The following NAV2 variants were observed in gnomAD, a reference collection of about 807,000 sequenced individuals.
The protein encoded by NAV2 is helicase, APC down-regulated 1.
A neutral mutation model predicts 223.2 loss-of-function variants in NAV2; 54 were observed. The ratio of observed to expected loss-of-function variants is 0.24; its 90% confidence interval spans 0.19 to 0.30. NAV2 has a LOEUF of 0.30. Ranked by LOEUF, NAV2 falls within the 10% of genes least tolerant of loss-of-function variation. The probability of loss-of-function intolerance (pLI) is 1.00; values close to 1 mark genes in which losing one functional copy is unlikely to be tolerated. For missense variants in NAV2, 2,806 were observed against 3,147.5 expected, an observed-to-expected ratio of 0.89 and a Z score of 2.60; for synonymous variants, 1,279 against 1,239.3, an observed-to-expected ratio of 1.03 and a Z score of -0.67.
intron 1 of NAV2, among the ~76,000 whole-genome samples, chr11:19,694,361 A>G (rs1323360708): frequency 6.6e-6 from 1 of 152,214 alleles, no homozygotes; most frequent in Non-Finnish European, 1.5e-5. Flanking sequence ...AGCTCTCTGC[A>G]TGCATAGGTG....
Position 20,092,342 on chromosome 11 carries a change from T to C in NAV2, c.5789T>C (p.Leu1930Ser). 6.2e-7 allele frequency: 1 copy of C among 1,613,686 alleles called. No individual in the cohort carries two copies. The highest frequency in any genetic ancestry group is 8.5e-7 in the Non-Finnish European group (1 of 1,179,636). Residue 1930 changes from leucine to serine, a missense_variant, in exon 28 of 38, where the codon TTG becomes TCG. By Grantham distance (145) the Leu-to-Ser change is moderately radical. This residue lies in a region of NAV2 where 824 missense variants were observed against 1,069.4 expected (regional missense o/e 0.77). Coordinates refer to ENST00000349880, the MANE Select transcript of NAV2 (RefSeq NM_145117.5). ...TCCATGGGCCTCTCCCAGCACAGCT[T>C]GAACCTCACTGAGTCAACCAGCCTG... ...RQSMGLSQHS[L>S]NLTESTSLDM...
At chr11:20,029,701 C>T (rs1052274852) in intron 11 of NAV2, among the ~76,000 whole-genome samples, 1 of 152,190 alleles carries the variant, frequency 6.6e-6, no homozygotes, top group Admixed American at 6.5e-5. Flanking sequence ...ATTCAAAGCC[C>T]TTGGCTAAGG....
intron 1 of NAV2, among the ~76,000 whole-genome samples, chr11:19,614,651 A>AAC (rs1798686121): frequency 6.6e-6 from 1 of 152,102 alleles, no homozygotes; most frequent in South Asian, 2.1e-4. Flanking sequence ...CTGTCTTTTC[A>AAC]ACACACACAT....
At chr11:19,393,600 T>G (rs1590112755) in intron 1 of NAV2, among the ~76,000 whole-genome samples, 2 of 152,236 alleles carry the variant, frequency 1.3e-5, no homozygotes, top group East Asian at 3.8e-4. Flanking sequence ...CTTGACAAAA[T>G]GTGTTTTAAT....
intron 22 of NAV2, among the ~76,000 whole-genome samples, chr11:20,075,813 C>G (rs2059707587): frequency 6.7e-6 from 1 of 150,142 alleles, no homozygotes; most frequent in Middle Eastern, 3.2e-3. Context: ...TGATTCCTCA[C>G]TGTGTGTGTC....
chr11:19,554,656 A>G (rs926093105), intron 1 of NAV2, among the ~76,000 whole-genome samples: 1 of 152,094 alleles, frequency 6.6e-6, no homozygotes, highest in Non-Finnish European at 1.5e-5. Context: ...GATGAATTAG[A>G]TGGTTGTTTA....
At chr11:19,930,315 TA>T (rs770834305) in intron 6 of NAV2, among the ~76,000 whole-genome samples, 5 of 151,892 alleles carry the variant, frequency 3.3e-5, no homozygotes, top group African/African-American at 1.2e-4. Context: ...TTGTTAGTGT[TA>T]AAAAAAATAG....
chr11:19,863,836 AC>A (rs1261810644), intron 3 of NAV2, among the ~76,000 whole-genome samples: 1 of 152,170 alleles, frequency 6.6e-6, no homozygotes, highest in East Asian at 1.9e-4. Context: ...TGTTTTATTC[AC>A]CACTATATAC....
At position 19,717,465 on chromosome 11, in the gene NAV2, G is replaced by A. The variant is rs987568652; in HGVS notation, c.267+3503G>A. Among the ~76,000 whole-genome samples the A allele has an allele frequency of 9.2e-5, 14 of 152,252 alleles. 1 individual carries two copies. The highest frequency in any genetic ancestry group is 3.4e-4 in the African/African-American group (14 of 41,472). On this transcript the variant is annotated intron_variant, in intron 1 of 37. Coordinates refer to ENST00000349880, the MANE Select transcript of NAV2 (RefSeq NM_145117.5). ...AAGATGAGCTGAATTTTGGAGATGG[G>A]AAGGACAGACTGGTGGGGAGGAGAG...
At chr11:19,664,485 ATGAGTCCAAGC>A (rs1212163532) in intron 1 of NAV2, among the ~76,000 whole-genome samples, 1 of 152,196 alleles carries the variant, frequency 6.6e-6, no homozygotes, top group Non-Finnish European at 1.5e-5. Context: ...TGGAGAGGTC[ATGAGTCCAAGC>A]TTAATTTAGA....
At chr11:19,392,917 C>T (rs985068262) in intron 1 of NAV2, among the ~76,000 whole-genome samples, 2 of 152,178 alleles carry the variant, frequency 1.3e-5, no homozygotes, top group Non-Finnish European at 2.9e-5. Context: ...TGAGGTGATA[C>T]GTGACTTGCT....
At chr11:20,006,021 G>A (rs868703333) in intron 11 of NAV2, among the ~76,000 whole-genome samples, 31 of 152,150 alleles carry the variant, frequency 2.0e-4, no homozygotes, top group Middle Eastern at 6.8e-3. Flanking sequence ...AGGCCGAGGC[G>A]GGTGGATCAC....
chr11:19,881,721 G>A (rs1016871461), intron 5 of NAV2, among the ~76,000 whole-genome samples: 1 of 152,146 alleles, frequency 6.6e-6, no homozygotes, highest in African/African-American at 2.4e-5. Flanking sequence ...GAGGAGGCAG[G>A]CAAACAAGCA....
intron 1 of NAV2, among the ~76,000 whole-genome samples, chr11:19,585,412 C>T (rs544998684): frequency 6.6e-6 from 1 of 152,272 alleles, no homozygotes; most frequent in East Asian, 1.9e-4. Context: ...TGAATTTGAT[C>T]CTGTCATTAT....
chr11:19,969,969 AAAG>A (rs1472220779), intron 10 of NAV2, among the ~76,000 whole-genome samples: 4 of 152,066 alleles, frequency 2.6e-5, no homozygotes, highest in Non-Finnish European at 5.9e-5. Flanking sequence ...AAAAAAGAAA[AAAG>A]AAATTAACAA....
At chr11:19,651,266 G>A (rs950210398) in intron 1 of NAV2, among the ~76,000 whole-genome samples, 12 of 152,188 alleles carry the variant, frequency 7.9e-5, no homozygotes, top group South Asian at 2.1e-4. Flanking sequence ...CAGGGAGAAC[G>A]TCTTTTCTCA....
At chr11:20,056,323 G>T (rs56164302) in intron 19 of NAV2, among the ~76,000 whole-genome samples, 1 of 152,142 alleles carries the variant, frequency 6.6e-6, no homozygotes, top group Non-Finnish European at 1.5e-5. Context: ...GAGAACTACT[G>T]GAGAGTTCAT....
chr11:19,490,998 A>G (rs1198264967), intron 1 of NAV2, among the ~76,000 whole-genome samples: 1 of 152,188 alleles, frequency 6.6e-6, no homozygotes, highest in East Asian at 1.9e-4. Flanking sequence ...GTGCATTGTC[A>G]ATGAGCAATA....
At chr11:19,883,467 C>CT (rs1406863553) in intron 5 of NAV2, among the ~76,000 whole-genome samples, 1 of 152,128 alleles carries the variant, frequency 6.6e-6, no homozygotes, top group African/African-American at 2.4e-5. Context: ...CCAGGACTTG[C>CT]TTTTTTTCCT....
Sources: gnomAD v4.1 joint callset for allele counts (sites outside exome capture counted in the v4.1 genomes callset) on GRCh38, gnomAD v4.1.1 for gene constraint, gnomAD v4.1.1 regional missense constraint, MANE v1.5 for transcripts, NCBI Gene and HGNC (gene_info 2026-07-23, HGNC 2026-07-21) for gene names.